ADGRB3: variants seen among roughly 807,000 people sequenced by gnomAD.
ADGRB3 encodes brain-specific angiogenesis inhibitor 3.
ADGRB3 carries 37 observed loss-of-function variants against 193.4 expected under a neutral mutation model. That is an observed-to-expected ratio of 0.19 (90% CI 0.15 to 0.25). The LOEUF (loss-of-function observed/expected upper bound fraction) is 0.25. ADGRB3 is among the 10% of genes least tolerant of loss of function. ADGRB3 has a pLI of 1.00. For missense variants in ADGRB3, 1,637 were observed against 1,852.9 expected, an observed-to-expected ratio of 0.88 and a Z score of 2.14; for synonymous variants, 690 against 644.2, an observed-to-expected ratio of 1.07 and a Z score of -1.08.
At chr6:69,213,199 A>G (rs989984384) in intron 17 of ADGRB3, among the ~76,000 whole-genome samples, 1 of 152,182 alleles carries the variant, frequency 6.6e-6, no homozygotes, top group Admixed American at 6.5e-5. Context: ...AATCTTTCAA[A>G]TGAATGTAAT....
Position 69,025,017 on chromosome 6 carries a change from G to A in ADGRB3, c.2107+6518G>A, listed in dbSNP as rs949243265. On this transcript the variant is annotated intron_variant, in intron 13 of 31. Transcript: ENST00000370598. Reference sequence around the variant, plus strand: ...TGAGGTAGGAGAATAGCGTGAACCCGGCAGGCTGAGCTTGCAGTGAGCCGA... The same window carrying A: ...TGAGGTAGGAGAATAGCGTGAACCCAGCAGGCTGAGCTTGCAGTGAGCCGA... Among the ~76,000 whole-genome samples, 12 of 151,658 alleles carry A rather than the reference G, an allele frequency of 7.9e-5. 1 individual carries two copies. The highest frequency in any genetic ancestry group is 1.5e-4 in the Non-Finnish European group (10 of 67,960).
intron 11 of ADGRB3, among the ~76,000 whole-genome samples, chr6:69,010,554 A>G (rs1769901228): frequency 6.6e-6 from 1 of 152,110 alleles, no homozygotes; most frequent in African/African-American, 2.4e-5. Context: ...ATTAACTCCA[A>G]GCTTCACGAT....
At chr6:69,040,821 C>T (rs1771044573) in intron 13 of ADGRB3, among the ~76,000 whole-genome samples, 4 of 148,028 alleles carry the variant, frequency 2.7e-5, no homozygotes, top group South Asian at 2.2e-4. Flanking sequence ...ATACATATTA[C>T]ATTATTAAAA....
At chr6:69,320,816 C>CTTGTGTGT (rs1175461597) in intron 20 of ADGRB3, among the ~76,000 whole-genome samples, 1 of 110,508 alleles carries the variant, frequency 9.0e-6, no homozygotes, top group Non-Finnish European at 2.0e-5. Context: ...TGTGCTTGTG[C>CTTGTGTGT]ATGTGTGTAT....
At chr6:69,306,651 A>C (rs1489498971) in intron 20 of ADGRB3, among the ~76,000 whole-genome samples, 2 of 151,554 alleles carry the variant, frequency 1.3e-5, no homozygotes. Flanking sequence ...ACTACAGGTC[A>C]TACTCACTAC....
intron 3 of ADGRB3, among the ~76,000 whole-genome samples, chr6:68,813,006 G>T (rs560619059): frequency 6.6e-6 from 1 of 152,196 alleles, no homozygotes; most frequent in African/African-American, 2.4e-5. Context: ...AATCTGATAT[G>T]GTTTGGCTGT....
intron 3 of ADGRB3, among the ~76,000 whole-genome samples, chr6:68,846,075 T>C (rs1768269057): frequency 6.6e-6 from 1 of 151,910 alleles, no homozygotes; most frequent in Non-Finnish European, 1.5e-5. Context: ...GAAGCTAGAG[T>C]AAAGGTGACT....
intron 3 of ADGRB3, among the ~76,000 whole-genome samples, chr6:68,774,811 A>G (rs551707113): frequency 4.9e-4 from 74 of 152,226 alleles, no homozygotes; most frequent in African/African-American, 1.7e-3. Flanking sequence ...TAAAACAGTA[A>G]GATTCTATCA....
At chr6:68,642,095 T>TCTTA (rs1768096664) in intron 3 of ADGRB3, among the ~76,000 whole-genome samples, 1 of 152,132 alleles carries the variant, frequency 6.6e-6, no homozygotes, top group South Asian at 2.1e-4. Flanking sequence ...AAAGGTTGTC[T>TCTTA]CTTAAGTCAG....
intron 20 of ADGRB3, among the ~76,000 whole-genome samples, chr6:69,311,028 A>G (rs963213361): frequency 2.6e-5 from 4 of 151,716 alleles, no homozygotes; most frequent in Non-Finnish European, 5.9e-5. Context: ...TAGGGTTCCA[A>G]ACTTTCAAAG....
intron 3 of ADGRB3, among the ~76,000 whole-genome samples, chr6:68,766,471 T>C (rs1453177088): frequency 6.6e-6 from 1 of 152,028 alleles, no homozygotes; most frequent in African/African-American, 2.4e-5. Context: ...TACCACTTTA[T>C]TTTTAGATCT....
At chr6:68,693,963 A>C (rs549242957) in intron 3 of ADGRB3, among the ~76,000 whole-genome samples, 4 of 152,154 alleles carry the variant, frequency 2.6e-5, no homozygotes, top group African/African-American at 9.6e-5. Context: ...TAAGTAATGC[A>C]AGGTATCTCA....
chr6:68,717,747 A>G (rs1765511482), intron 3 of ADGRB3, among the ~76,000 whole-genome samples: 1 of 151,676 alleles, frequency 6.6e-6, no homozygotes, highest in African/African-American at 2.4e-5. Context: ...TCTATCTACC[A>G]TGTTATGTAA....
intron 17 of ADGRB3, among the ~76,000 whole-genome samples, chr6:69,197,015 A>G (rs1765314714): frequency 6.6e-6 from 1 of 152,212 alleles, no homozygotes; most frequent in Non-Finnish European, 1.5e-5. Context: ...TTGCTCTGAG[A>G]ATTAGAAGTA....
At chr6:69,210,543 G>A (rs1042428270) in intron 17 of ADGRB3, among the ~76,000 whole-genome samples, 2 of 152,048 alleles carry the variant, frequency 1.3e-5, no homozygotes, top group Non-Finnish European at 2.9e-5. Flanking sequence ...GTTGACACTC[G>A]ATAATAACCA....
At chr6:68,756,570 G>A (rs1345969802) in intron 3 of ADGRB3, among the ~76,000 whole-genome samples, 2 of 152,100 alleles carry the variant, frequency 1.3e-5, no homozygotes, top group Non-Finnish European at 1.5e-5. Context: ...TAGTGCAGGT[G>A]CTCACTTTAC....
intron 3 of ADGRB3, among the ~76,000 whole-genome samples, chr6:68,810,338 T>C (rs1267402783): frequency 6.6e-6 from 1 of 152,188 alleles, no homozygotes; most frequent in East Asian, 1.9e-4. Context: ...CCAACCCAAA[T>C]GAGAACCATT....
chr6:69,247,681 A>C (rs992631703), intron 20 of ADGRB3, among the ~76,000 whole-genome samples: 5 of 152,146 alleles, frequency 3.3e-5, no homozygotes, highest in African/African-American at 7.2e-5. Context: ...TGCTCACTGT[A>C]TTGTGATTCT....
At chr6:68,759,515 T>G (rs1766355502) in intron 3 of ADGRB3, among the ~76,000 whole-genome samples, 1 of 152,134 alleles carries the variant, frequency 6.6e-6, no homozygotes, top group South Asian at 2.1e-4. Context: ...TCTCTTTATT[T>G]TTAATACAGA....
Sources: gnomAD v4.1 joint callset for allele counts (sites outside exome capture counted in the v4.1 genomes callset) on GRCh38, gnomAD v4.1.1 for gene constraint, MANE v1.5 for transcripts, NCBI Gene and HGNC (gene_info 2026-07-23, HGNC 2026-07-21) for gene names.